The following ABCA13 variants were observed in gnomAD, a reference collection of about 807,000 sequenced individuals.
The protein encoded by ABCA13 is ATP-binding cassette sub-family A member 13.
In ABCA13, 476 loss-of-function variants were observed where a neutral mutation model predicts 478.7. The observed-to-expected ratio is 0.99, with a 90% CI of 0.92 to 1.07. ABCA13 has a LOEUF of 1.07. Ranked by LOEUF, ABCA13 falls within the 50% of genes least tolerant of loss-of-function variation. The pLI is 0.00. For missense variants in ABCA13, 6,060 were observed against 5,910.6 expected, an observed-to-expected ratio of 1.03 and a Z score of -0.83; for synonymous variants, 2,252 against 2,158.9, an observed-to-expected ratio of 1.04 and a Z score of -1.20.
At chr7:48,567,919 G>A (rs1237106932) in intron 55 of ABCA13, among the ~76,000 whole-genome samples, 1 of 152,018 alleles carries the variant, frequency 6.6e-6, no homozygotes, top group Non-Finnish European at 1.5e-5. Flanking sequence ...CATTAATAAT[G>A]ACAGATATTT....
At position 48,471,513 on chromosome 7, in the gene ABCA13, T is replaced by C; in HGVS notation, c.12906-17T>C. ...TAAATCTAAAAGATCATTCCAATTC[T>C]CTCCTTTGTTTTTTAGGAAGAATTC... On this transcript the variant is annotated splice_polypyrimidine_tract_variant and intron_variant, in intron 44 of 61. Coordinates refer to ENST00000435803, the MANE Select transcript of ABCA13 (RefSeq NM_152701.5). 3 of 1,547,710 alleles carry C rather than the reference T, an allele frequency of 1.9e-6. No homozygotes were observed. Among genetic ancestry groups the C allele is most frequent in the Non-Finnish European group, 2.6e-6 (3 of 1,142,520 alleles).
chr7:48,514,306 C>G (rs1831946345), intron 51 of ABCA13, among the ~76,000 whole-genome samples: 1 of 152,172 alleles, frequency 6.6e-6, no homozygotes, highest in African/African-American at 2.4e-5. Flanking sequence ...CAAAATTTAA[C>G]AGAGAGAGCT....
At position 48,411,291 on chromosome 7, in the gene ABCA13, C is replaced by CTCTTTTCTTTTCTTTTCTT. The variant is rs1554500144; in HGVS notation, c.12228+615_12228+616insCTTTTCTTTTCTTTTCTTT. On this transcript the variant is annotated intron_variant, in intron 40 of 61. Transcript: ENST00000435803. ...TTCCTCCCTCCCTCCTCCTTCCTTC[C>CTCTTTTCTTTTCTTTTCTT]TTCTTTTCTTTTCTTTTCTTTTCTT... Among the ~76,000 whole-genome samples, 86 of 92,846 alleles carry CTCTTTTCTTTTCTTTTCTT rather than the reference C, an allele frequency of 9.3e-4. 2 individuals are homozygous for CTCTTTTCTTTTCTTTTCTT. The highest frequency in any genetic ancestry group is 2.1e-3 in the Admixed American group (16 of 7,570). 60.9% of individuals were successfully genotyped at this position (92,846 alleles called of 152,430 possible).
At chr7:48,612,210 G>A (rs1265422977) in intron 58 of ABCA13, 2 of 152,164 alleles carry the variant, frequency 1.3e-5, no homozygotes, top group Non-Finnish European at 2.9e-5. Context: ...AGGTCAAGTG[G>A]CTTGCTGTAT....
At chr7:48,445,992 C>G (rs1247867927) in intron 42 of ABCA13, among the ~76,000 whole-genome samples, 1 of 152,126 alleles carries the variant, frequency 6.6e-6, no homozygotes, top group Non-Finnish European at 1.5e-5. Flanking sequence ...CTCTGTCCCA[C>G]CTACAGAGTG....
Position 48,302,213 on chromosome 7 carries a change from C to T in ABCA13, c.9321+3726C>T, listed in dbSNP as rs180761752. Among the ~76,000 whole-genome samples the T allele has an allele frequency of 1.2e-3, 176 of 152,256 alleles. 1 individual carries two copies. The highest frequency in any genetic ancestry group is 4.0e-3 in the African/African-American group (167 of 41,544). On this transcript the variant is annotated intron_variant, in intron 23 of 61. Coordinates refer to ENST00000435803, the MANE Select transcript of ABCA13 (RefSeq NM_152701.5). ...TAGTTCTAAGAAAATTACTGCTTGC[C>T]GATGGGTTTCCTCTTCTCCTACTTG... is the stretch of plus-strand genomic sequence containing the variant.
chr7:48,450,527 A>G (rs1824862810), intron 42 of ABCA13, among the ~76,000 whole-genome samples: 1 of 152,228 alleles, frequency 6.6e-6, no homozygotes, highest in Non-Finnish European at 1.5e-5. Context: ...ATTATTGGAT[A>G]AAATGCAACT....
At chr7:48,500,139 C>T (rs1212884963) in intron 48 of ABCA13, among the ~76,000 whole-genome samples, 6 of 152,214 alleles carry the variant, frequency 3.9e-5, no homozygotes, top group Non-Finnish European at 8.8e-5. Context: ...ACCTTGGCTA[C>T]ACTTCCTCTA....
chr7:48,561,349 A>G (rs1029435277), intron 55 of ABCA13, among the ~76,000 whole-genome samples: 3 of 152,112 alleles, frequency 2.0e-5, no homozygotes, highest in Non-Finnish European at 2.9e-5. Flanking sequence ...TTATACTAAT[A>G]CACTTTCCTA....
intron 15 of ABCA13, among the ~76,000 whole-genome samples, chr7:48,251,924 G>A (rs1474472360): frequency 6.6e-6 from 1 of 152,088 alleles, no homozygotes; most frequent in Non-Finnish European, 1.5e-5. Flanking sequence ...TATGTTATGA[G>A]TCATTTTTCT....
intron 23 of ABCA13, 50 bp downstream of exon 23, chr7:48,298,537 G>A: frequency 6.9e-6 from 11 of 1,585,794 alleles, no homozygotes; most frequent in Non-Finnish European, 9.4e-6. Context: ...AGGAGCCTTA[G>A]CCTGAAGTCA....
intron 10 of ABCA13, among the ~76,000 whole-genome samples, chr7:48,242,285 G>C (rs1329876315): frequency 2.8e-5 from 1 of 35,146 alleles, no homozygotes; most frequent in Non-Finnish European, 6.3e-5. Flanking sequence ...CTACAGAGAT[G>C]GGGGGAAGCT....
chr7:48,563,441 C>T (rs1365454677), intron 55 of ABCA13, among the ~76,000 whole-genome samples: 1 of 152,046 alleles, frequency 6.6e-6, no homozygotes, highest in Non-Finnish European at 1.5e-5. Flanking sequence ...TTGCTCCTCC[C>T]ATGATGAGGT....
intron 53 of ABCA13, among the ~76,000 whole-genome samples, chr7:48,522,683 G>A (rs1832635535): frequency 2.6e-5 from 4 of 152,300 alleles, no homozygotes; most frequent in Middle Eastern, 3.4e-3. Flanking sequence ...CCAGAAGTAA[G>A]CTCAGTCAAT....
chr7:48,580,744 T>C (rs1788625733), intron 56 of ABCA13, among the ~76,000 whole-genome samples: 1 of 152,180 alleles, frequency 6.6e-6, no homozygotes, highest in Non-Finnish European at 1.5e-5. Flanking sequence ...TTTCAGGGCT[T>C]GTGAAAGTGT....
At chr7:48,637,825 A>G (rs537905367) in intron 59 of ABCA13, among the ~76,000 whole-genome samples, 74 of 152,328 alleles carry the variant, frequency 4.9e-4, no homozygotes, top group Middle Eastern at 3.4e-3. Flanking sequence ...TAAGAAGGAA[A>G]TATTGTTTTC....
chr7:48,526,156 T>A (rs1229757132), intron 54 of ABCA13, among the ~76,000 whole-genome samples: 1 of 151,982 alleles, frequency 6.6e-6, no homozygotes, highest in Non-Finnish European at 1.5e-5. Context: ...ATATTTTTGG[T>A]TTTATGGTGG....
At chr7:48,629,986 T>A (rs1361931251) in intron 59 of ABCA13, among the ~76,000 whole-genome samples, 2 of 152,188 alleles carry the variant, frequency 1.3e-5, no homozygotes, top group Non-Finnish European at 2.9e-5. Flanking sequence ...TCACCAATTT[T>A]TAAAATTATT....
rs750782281 is a variant in ABCA13, at chr7:48,227,243, G to A, written c.469-19G>A. 17 of 1,607,628 alleles carry A rather than the reference G, an allele frequency of 1.1e-5. No homozygotes were observed. The African/African-American group carries it at 1.7e-4, about 17-fold the overall frequency. ...AAAACTCCAGAGGGAAACTTTTGGT[G>A]TATTTTTTTTCCCATCAGATGGATC... On this transcript the variant is annotated intron_variant, in intron 5 of 61. Transcript: ENST00000435803.
Sources: gnomAD v4.1 joint callset for allele counts (sites outside exome capture counted in the v4.1 genomes callset) on GRCh38, gnomAD v4.1.1 for gene constraint, MANE v1.5 for transcripts, NCBI Gene and HGNC (gene_info 2026-07-23, HGNC 2026-07-21) for gene names.